The following NFIL3 variants were observed in gnomAD, a reference collection of about 807,000 sequenced individuals.
The protein encoded by NFIL3 is nuclear factor interleukin-3-regulated protein.
NFIL3 carries 5 observed loss-of-function variants against 10.0 expected under a neutral mutation model. That is an observed-to-expected ratio of 0.50 (90% CI 0.26 to 1.06). NFIL3 has a LOEUF of 1.06. Among genes scored for constraint, NFIL3 ranks in the 50% least tolerant of loss-of-function variants. The pLI is 0.13. For synonymous variants in NFIL3, 202 were observed against 206.5 expected (o/e 0.98, Z 0.19); for missense variants, 436 against 547.6 (o/e 0.80, Z 2.03).
the NFIL3 span, among the ~76,000 whole-genome samples, chr9:91,430,926 A>G: frequency 1.3e-5 from 2 of 152,180 alleles, no homozygotes; most frequent in Non-Finnish European, 2.9e-5. Flanking sequence ...ATTATGACCA[A>G]AGTCTTAAAG....
chr9:91,425,954 C>T (rs1833868897), upstream of NFIL3, among the ~76,000 whole-genome samples: 2 of 152,148 alleles, frequency 1.3e-5, no homozygotes, highest in East Asian at 1.9e-4. Context: ...TCTACCCTCC[C>T]CTTCACGTGT....
the NFIL3 span, among the ~76,000 whole-genome samples, chr9:91,474,088 T>TG: frequency 6.7e-6 from 1 of 148,906 alleles, no homozygotes; most frequent in Non-Finnish European, 1.5e-5. Flanking sequence ...GGGTTTTTGT[T>TG]TTTTTTTTTT....
the NFIL3 span, among the ~76,000 whole-genome samples, chr9:91,464,194 T>C: frequency 6.6e-6 from 1 of 152,046 alleles, no homozygotes; most frequent in African/African-American, 2.4e-5. Context: ...TTATATTTGC[T>C]GTATTTTTTT....
At chr9:91,424,717 T>G (rs888584296), upstream of NFIL3, among the ~76,000 whole-genome samples, 6 of 152,098 alleles carry the variant, frequency 3.9e-5, no homozygotes, top group African/African-American at 1.4e-4. Context: ...GCCACGCGGG[T>G]GCGGCGTTCC....
At position 91,413,604 on chromosome 9, in the gene NFIL3, C is replaced by T. The variant is rs192536410; in HGVS notation, c.-172-2698G>A. ...TAGGTTTTGTCCTCTAATATGAAAA[C>T]CCAGTTTCCTTTACATATTGAATGG... On this transcript the variant is annotated intron_variant, in intron 1 of 1. Coordinates refer to ENST00000297689, the MANE Select transcript of NFIL3 (RefSeq NM_005384.3). Among the ~76,000 whole-genome samples, 5 of 152,270 alleles carry T rather than the reference C, an allele frequency of 3.3e-5. No homozygotes were observed. The East Asian group carries it at 9.6e-4, about 29-fold the overall frequency.
chr9:91,456,332 T>C, the NFIL3 span, among the ~76,000 whole-genome samples: 3 of 152,168 alleles, frequency 2.0e-5, no homozygotes, highest in African/African-American at 7.2e-5. Context: ...GGTTATACCA[T>C]TTTCTATTCC....
intron 1 of NFIL3, among the ~76,000 whole-genome samples, chr9:91,415,900 T>C (rs945819259): frequency 6.6e-6 from 1 of 152,208 alleles, no homozygotes; most frequent in Non-Finnish European, 1.5e-5. Flanking sequence ...GTGCTGGGAT[T>C]ACAGGCGTGA....
the NFIL3 span, among the ~76,000 whole-genome samples, chr9:91,442,283 C>A: frequency 6.6e-6 from 1 of 152,142 alleles, no homozygotes; most frequent in Non-Finnish European, 1.5e-5. Flanking sequence ...TCTTGGCTTA[C>A]AAGGTTTTTG....
At chr9:91,479,259 C>T in the NFIL3 span, among the ~76,000 whole-genome samples, 1 of 152,150 alleles carries the variant, frequency 6.6e-6, no homozygotes, top group African/African-American at 2.4e-5. Context: ...ACCCTTTCCC[C>T]CAGGTGCTCT....
chr9:91,458,378 T>C, the NFIL3 span, among the ~76,000 whole-genome samples: 2 of 152,126 alleles, frequency 1.3e-5, no homozygotes, highest in African/African-American at 4.8e-5. Context: ...GTTTATGTCT[T>C]TAAAGGAGTT....
chr9:91,410,051 G>A lies in NFIL3; in HGVS notation c.684C>T (p.Tyr228=). ...CTCGGTCATCTCTTGGCTCCCTTGT[G>A]TAGCTCTCTAATTCCATCGGCTCTT... ...IKQEPMELES[Y]TREPRDDRGS... is the part of the protein sequence containing the mutation. The change falls in exon 2 of 2, where the codon TAC becomes TAT. Residue 228 remains tyrosine, a synonymous_variant. Coordinates refer to ENST00000297689, the MANE Select transcript of NFIL3 (RefSeq NM_005384.3). The surrounding 1 kb of genome is among the most constrained non-coding windows in gnomAD (Gnocchi z 5.7). 1 of 1,612,980 alleles carries A rather than the reference G, an allele frequency of 6.2e-7. No homozygotes were observed. Among genetic ancestry groups the A allele is most frequent in the Non-Finnish European group, 8.5e-7 (1 of 1,179,998 alleles).
At chr9:91,459,197 T>C in the NFIL3 span, among the ~76,000 whole-genome samples, 90 of 152,280 alleles carry the variant, frequency 5.9e-4, 1 homozygote, top group Middle Eastern at 0.01. Context: ...CTGTGTATCT[T>C]ATCTGTGCAG....
At chr9:91,457,537 A>T in the NFIL3 span, among the ~76,000 whole-genome samples, 1 of 152,040 alleles carries the variant, frequency 6.6e-6, no homozygotes, top group East Asian at 1.9e-4. Context: ...CATTGTTACC[A>T]TATAGAAATA....
At position 91,409,977 on chromosome 9, in the gene NFIL3, G is replaced by C. The variant is rs1833511040; in HGVS notation, c.758C>G (p.Ser253Cys). Residue 253 changes from serine to cysteine, a missense_variant, in exon 2 of 2, where the codon TCT becomes TGT. By Grantham distance (112) the Ser-to-Cys change is moderately radical. Coordinates refer to ENST00000297689, the MANE Select transcript of NFIL3 (RefSeq NM_005384.3). ...IYQNYMGNSF[S>C]GYSHSPPLLQ... is the part of the protein sequence containing the mutation. ...TAGTGGGGGAGAGTGTGAGTACCCA[G>C]AGAAAGAATTCCCCATATAGTTTTG... 2 of 1,613,336 alleles carry C rather than the reference G, an allele frequency of 1.2e-6. No individual in the cohort carries two copies. Among genetic ancestry groups the C allele is most frequent in the East Asian group, 2.2e-5 (1 of 44,892 alleles).
chr9:91,470,686 T>G, the NFIL3 span, among the ~76,000 whole-genome samples: 1 of 152,238 alleles, frequency 6.6e-6, no homozygotes, highest in African/African-American at 2.4e-5. Context: ...TACACACTGC[T>G]TTAAATGTGT....
At chr9:91,438,228 T>G in the NFIL3 span, among the ~76,000 whole-genome samples, 9 of 152,224 alleles carry the variant, frequency 5.9e-5, no homozygotes, top group African/African-American at 1.9e-4. Context: ...TCGTATCTCA[T>G]TGTGATTTTG....
chr9:91,434,849 T>TA, the NFIL3 span, among the ~76,000 whole-genome samples: 30 of 150,546 alleles, frequency 2.0e-4, no homozygotes, highest in East Asian at 2.1e-3. Context: ...CTATCGCAAT[T>TA]AAAAAAAAAA....
chr9:91,469,848 T>G, the NFIL3 span, among the ~76,000 whole-genome samples: 4,572 of 152,298 alleles, frequency 0.03, 90 homozygotes, highest in East Asian at 0.091. Context: ...GATTTGCGTA[T>G]GTTGAACCAG....
chr9:91,453,613 C>T, the NFIL3 span, among the ~76,000 whole-genome samples: 16 of 151,886 alleles, frequency 1.1e-4, no homozygotes, highest in Non-Finnish European at 2.1e-4. Context: ...TTTGACCATT[C>T]GAGACTGTAT....
Sources: allele counts gnomAD v4.1 joint callset (sites outside exome capture counted in the v4.1 genomes callset), GRCh38; gene constraint gnomAD v4.1.1; non-coding constraint Gnocchi (gnomAD v3.1); transcripts MANE v1.5; gene names NCBI Gene and HGNC (gene_info 2026-07-23, HGNC 2026-07-21).